Variants in OARD1 observed in about 807,000 individuals in gnomAD.
OARD1 encodes the protein O-acyl-ADP-ribose deacylase 1.
In OARD1, 19 loss-of-function variants were observed where a neutral mutation model predicts 19.7. The observed-to-expected ratio is 0.96, with a 90% confidence interval of 0.67 to 1.41. The LOEUF (loss-of-function observed/expected upper bound fraction) is 1.41. OARD1 is among the 40% of genes most tolerant of loss of function. The pLI is 0.00. For synonymous variants in OARD1, 70 were observed against 61.8 expected, an observed-to-expected ratio of 1.13 and a Z score of -0.62; for missense variants, 190 against 183.8, an observed-to-expected ratio of 1.03 and a Z score of -0.20.
rs538049691 is a variant in OARD1 at position 41,066,291 on chromosome 6, T to A, written c.*1044A>T. On this transcript the variant is annotated 3_prime_UTR_variant, in exon 6 of 6. Transcript: ENST00000424266. The stretch of plus-strand genomic sequence containing the variant: ...ACAGGCCTGCACCACCAGGCCCAGC[T>A]AATTTTTAATTTCTTTTTTTTTTGT... The A allele has an allele frequency of 6.6e-6, 1 of 151,898 alleles. No homozygotes were observed. Among genetic ancestry groups the A allele is most frequent in the African/African-American group, 2.4e-5 (1 of 41,194 alleles). The allele number at this position is 151,898 out of a possible 1,614,324, so 9.4% of individuals were successfully genotyped here.
At chr6:41,073,422 C>T (rs1763598230), upstream of OARD1, among the ~76,000 whole-genome samples, 1 of 151,960 alleles carries the variant, frequency 6.6e-6, no homozygotes, top group Non-Finnish European at 1.5e-5. Context: ...CCTGGGGCCA[C>T]GAATGGCCCT....
chr6:41,067,559 C>T, intron 5 of OARD1, 122 bp from the exon 6 acceptor site: 3 of 632,170 alleles, frequency 4.7e-6, no homozygotes, highest in Non-Finnish European at 8.3e-6. Context: ...CCCTTATGGG[C>T]AACCATGGTA....
rs775051149 is a variant in OARD1 at position 41,067,419 on chromosome 6, A to G, written c.375T>C (p.Asp125=). 4 of 1,613,284 alleles carry G rather than the reference A, an allele frequency of 2.5e-6. No homozygotes were observed. The highest frequency in any genetic ancestry group is 2.7e-5 in the African/African-American group (2 of 75,018). ...CAGATACATTTTCCCATTGCAGACGATCAAGACCACATCCAATCCTGAAAA... is the reference window on the plus strand; with the variant it reads ...CAGATACATTTTCCCATTGCAGACGGTCAAGACCACATCCAATCCTGAAAA... The part of the protein sequence containing the change: ...LSMPRIGCGL[D]RLQWENVSAM... The change falls in exon 6 of 6, where the codon GAT becomes GAC. Residue 125 remains aspartate (D), a synonymous_variant. Coordinates refer to ENST00000424266, the MANE Select transcript of OARD1 (RefSeq NM_001329686.2).
At chr6:41,094,265 C>G in intron 1 of OARD1, 1 of 694,576 alleles carries the variant, frequency 1.4e-6, no homozygotes, top group Non-Finnish European at 2.5e-6. Context: ...CATCGTCATT[C>G]TAAGTCATAA....
chr6:41,076,842 G>A (rs1316732117), upstream of OARD1, among the ~76,000 whole-genome samples: 2 of 152,180 alleles, frequency 1.3e-5, no homozygotes, highest in Non-Finnish European at 2.9e-5. Flanking sequence ...AGGAACATAT[G>A]ACTTTACTGA....
chr6:41,066,467 G>C lies in OARD1; in HGVS notation c.*868C>G, dbSNP rs1037170446. The C allele has an allele frequency of 2.6e-5, 4 of 151,988 alleles. No individual in the cohort carries two copies. The highest frequency in any genetic ancestry group is 9.7e-5 in the African/African-American group (4 of 41,364). The allele number at this position is 151,988 out of a possible 1,614,324, so 9.4% of individuals were successfully genotyped here. ...TTATTTTTTTAAAGAAGACTCATAA[G>C]GATTTTTGACAATCACTGATTTATT... is the stretch of plus-strand genomic sequence containing the variant. On this transcript the variant is annotated 3_prime_UTR_variant, in exon 6 of 6. Coordinates refer to ENST00000424266, the MANE Select transcript of OARD1 (RefSeq NM_001329686.2).
rs1764241681 is a variant in OARD1, at chr6:41,093,201, C to A, written c.-42+4512G>T. 3.5e-6 allele frequency: 3 copies of A among 852,828 alleles called. No individual in the cohort carries two copies. In the South Asian group the frequency reaches 6.4e-5, roughly 18 times the overall value. 52.8% of individuals were successfully genotyped at this position (852,828 alleles called of 1,614,324 possible). On this transcript the variant is annotated intron_variant, in intron 1 of 4. Coordinates refer to the OARD1 transcript ENST00000480585. ...CCTTCCAAACAATTGACGTTAGATA[C>A]TTGTTGTCTCTTTTGTAAGAGTTAG...
chr6:41,071,491 G>GA (rs1259287956), intron 2 of OARD1, 105 bp downstream of exon 2: 5 of 1,146,298 alleles, frequency 4.4e-6, no homozygotes, highest in South Asian at 1.3e-5. Flanking sequence ...CAGCTAGAGA[G>GA]AAAAAAAGAT....
intron 3 of OARD1, chr6:41,070,757 A>T: frequency 2.4e-6 from 1 of 414,674 alleles, no homozygotes; most frequent in Non-Finnish European, 4.3e-6. Flanking sequence ...TGGCCCGTAG[A>T]AAGTGATGGG....
rs202006916 is a variant in OARD1, at chr6:41,089,098, C to G, written c.-42+8615G>C. Among the ~76,000 whole-genome samples the G allele has an allele frequency of 2.0e-5, 3 of 152,254 alleles. No individual in the cohort carries two copies. The East Asian group carries it at 5.8e-4, about 29-fold the overall frequency. On this transcript the variant is annotated intron_variant, in intron 1 of 4. Transcript: ENST00000480585. The stretch of plus-strand genomic sequence containing the variant: ...CCTCCGGTTCAAGTGATTTTCCGGC[C>G]TCAGTCTCCCAAGTAGCTGGGATTA...
At chr6:41,075,577 A>C (rs2114082213), upstream of OARD1, 1 of 152,218 alleles carries the variant, frequency 6.6e-6, no homozygotes, top group South Asian at 2.1e-4. Context: ...TCCACTGTTC[A>C]CATGCTGAAA....
At chr6:41,074,423 C>T (rs1056971327), upstream of OARD1, among the ~76,000 whole-genome samples, 1 of 152,162 alleles carries the variant, frequency 6.6e-6, no homozygotes, top group Non-Finnish European at 1.5e-5. Context: ...TAATACCTAA[C>T]GGTTAGTGCT....
chr6:41,079,201 G>T, intron 1 of OARD1: 1 of 1,578,760 alleles, frequency 6.3e-7, no homozygotes, highest in Non-Finnish European at 8.7e-7. Flanking sequence ...TTACAGCAAT[G>T]AAACTGATAA....
chr6:41,083,771 C>T (rs551889286), intron 1 of OARD1, among the ~76,000 whole-genome samples: 4 of 152,232 alleles, frequency 2.6e-5, no homozygotes, highest in Admixed American at 2.0e-4. Context: ...GGATTTAGCC[C>T]GTGTTTGGTG....
chr6:41,083,929 TCTTTTCTACCTTTTC>T (rs1429372504), intron 1 of OARD1: 5 of 1,006,600 alleles, frequency 5.0e-6, no homozygotes, highest in Non-Finnish European at 7.0e-6. Flanking sequence ...ATTTTCTTAG[TCTTTTCTACCTTTTC>T]CTTTTCTAGC....
chr6:41,067,347 C>T lies in OARD1; in HGVS notation c.447G>A (p.Val149=). ...VFEATDIKIT[V]YTL ...AATGTTCACTGGTTCAGAGTGTGTA[C>T]ACAGTAATTTTGATGTCTGTTGCCT... The change falls in exon 6 of 6, where the codon GTG becomes GTA. Residue 149 remains valine (V), a synonymous_variant. Transcript: ENST00000424266. The T allele has an allele frequency of 6.2e-7, 1 of 1,605,032 alleles. No homozygotes were observed. Among genetic ancestry groups the T allele is most frequent in the Non-Finnish European group, 8.5e-7 (1 of 1,171,868 alleles).
At chr6:41,070,808 G>C in intron 3 of OARD1, 1 of 531,906 alleles carries the variant, frequency 1.9e-6, no homozygotes, top group Non-Finnish European at 3.3e-6. Context: ...ATTCCTCTTT[G>C]AAGAGAAAGC....
chr6:41,094,570 T>G, intron 1 of OARD1: 1 of 1,137,554 alleles, frequency 8.8e-7, no homozygotes, highest in Non-Finnish European at 1.3e-6. Flanking sequence ...TTCAGCAGTG[T>G]CCTCTTGCTA....
At chr6:41,078,134 C>T (rs1425647154) in intron 1 of OARD1, among the ~76,000 whole-genome samples, 1 of 152,150 alleles carries the variant, frequency 6.6e-6, no homozygotes, top group Admixed American at 6.5e-5. Flanking sequence ...AGATATTTCT[C>T]CACCCATTCA....
Sources: allele counts gnomAD v4.1 joint callset (sites outside exome capture counted in the v4.1 genomes callset), GRCh38; gene constraint gnomAD v4.1.1; transcripts MANE v1.5; gene names NCBI Gene and HGNC (gene_info 2026-07-23, HGNC 2026-07-21).